The following ST8SIA5 variants were observed in gnomAD, a reference collection of about 807,000 sequenced individuals.
ST8SIA5 encodes the protein alpha-2,8-sialyltransferase 8E.
Under a neutral mutation model 40.2 loss-of-function variants are expected in ST8SIA5, and 24 were observed. The ratio of observed to expected loss-of-function variants is 0.60; its 90% CI spans 0.43 to 0.84. ST8SIA5 has a LOEUF of 0.84. ST8SIA5 is among the 40% of genes least tolerant of loss of function. The pLI, the probability that ST8SIA5 is intolerant of heterozygous loss-of-function variation, is 0.00. For missense variants in ST8SIA5, 465 were observed against 498.5 expected (o/e 0.93, Z 0.64); for synonymous variants, 198 against 201.8 (o/e 0.98, Z 0.16).
At chr18:46,755,893 C>T (rs563208119) in intron 1 of ST8SIA5, among the ~76,000 whole-genome samples, 137 of 152,318 alleles carry the variant, frequency 9.0e-4, no homozygotes, top group African/African-American at 3.2e-3. Flanking sequence ...CCCCACCGAA[C>T]CCGAAGCTCC....
At position 46,669,339 on chromosome 18, in the gene ST8SIA5, A is replaced by T. The variant is rs1176322457; in HGVS notation, c.*10703T>A. On this transcript the variant is annotated 3_prime_UTR_variant, in exon 7 of 7. Coordinates refer to ENST00000315087, the MANE Select transcript of ST8SIA5 (RefSeq NM_013305.6). ...CAAAAGGAGATGTCCATCACCCACC[A>T]TGGGTGCCCTGGGCACACCACGCTA... 6.6e-6 allele frequency: 1 copy of T among 152,170 alleles called. No individual in the cohort carries two copies. Among genetic ancestry groups the T allele is most frequent in the African/African-American group, 2.4e-5 (1 of 41,438 alleles). 9.4% of individuals were successfully genotyped at this position (152,170 alleles called of 1,614,324 possible).
rs1365939371 is a variant in ST8SIA5 at position 46,725,973 on chromosome 18, ATATATATATATATATATATATATAT to A, written c.132-21334_132-21310del. Among the ~76,000 whole-genome samples, 17 of 25,084 alleles carry A rather than the reference ATATATATATATATATATATATATAT, an allele frequency of 6.8e-4. 1 individual carries two copies. The highest frequency in any genetic ancestry group is 5.2e-3 in the South Asian group (3 of 580). 16.5% of individuals were successfully genotyped at this position (25,084 alleles called of 152,430 possible). On this transcript the variant is annotated intron_variant, in intron 1 of 6. Coordinates refer to ENST00000315087, the MANE Select transcript of ST8SIA5 (RefSeq NM_013305.6). ...CCATCTCTACTTAAAAAAAAAAAAA[ATATATATATATATATATATATATAT>A]ATATATATATATCCTGGATATATAT...
chr18:46,755,760 G>GA lies in ST8SIA5; in HGVS notation c.131+617dup, dbSNP rs150279449. On this transcript the variant is annotated intron_variant, in intron 1 of 6. Transcript: ENST00000315087. The stretch of plus-strand genomic sequence containing the variant: ...CTCTGACCTTTTGCGCTAAGGATGA[G>GA]AAAAAAAAAGCCATCTGTTTCAGAA... Among the ~76,000 whole-genome samples, 1,200 of 150,662 alleles carry GA rather than the reference G, an allele frequency of 8.0e-3. 46 individuals carry two copies. In the East Asian group the frequency reaches 0.088, roughly 11 times the overall value.
chr18:46,701,130 C>CTT (rs755571106), intron 2 of ST8SIA5, among the ~76,000 whole-genome samples: 697 of 45,810 alleles, frequency 0.015, 114 homozygotes, highest in Middle Eastern at 0.053. Context: ...GAGATAGGGC[C>CTT]TTTTTTTTTT....
At chr18:46,686,392 G>A in intron 4 of ST8SIA5, 106 bp from the exon 5 acceptor site, 1 of 871,490 alleles carries the variant, frequency 1.1e-6, no homozygotes, top group South Asian at 1.4e-5. Context: ...CTGGTCCCAA[G>A]AGGCAGCCTT....
chr18:46,733,780 G>A (rs2040007796), intron 1 of ST8SIA5, among the ~76,000 whole-genome samples: 1 of 152,194 alleles, frequency 6.6e-6, no homozygotes, highest in Non-Finnish European at 1.5e-5. Context: ...AGAGGTGAGG[G>A]GAGGATGAGC....
chr18:46,670,279 T>A lies in ST8SIA5; in HGVS notation c.*9763A>T, dbSNP rs577543814. 1 of 152,306 alleles carries A rather than the reference T, an allele frequency of 6.6e-6. No individual in the cohort carries two copies. Among genetic ancestry groups the A allele is most frequent in the African/African-American group, 2.4e-5 (1 of 41,568 alleles). 9.4% of individuals were successfully genotyped at this position (152,306 alleles called of 1,614,324 possible). On this transcript the variant is annotated 3_prime_UTR_variant, in exon 7 of 7. Coordinates refer to ENST00000315087, the MANE Select transcript of ST8SIA5 (RefSeq NM_013305.6). ...TTCTTAGACAGTGTATTGAACATTG[T>A]TGGAACGCTTTTTTACCTCTGCATG...
At position 46,679,626 on chromosome 18, in the gene ST8SIA5, C is replaced by T; in HGVS notation, c.*416G>A. 4 of 228,914 alleles carry T rather than the reference C, an allele frequency of 1.7e-5. No homozygotes were observed. Among genetic ancestry groups the T allele is most frequent in the Non-Finnish European group, 3.5e-5 (4 of 115,928 alleles). The allele number at this position is 228,914 out of a possible 1,614,324, so 14.2% of individuals were successfully genotyped here. A position where few individuals can be genotyped will look rare whatever the true frequency, so the allele number is the denominator to read the frequency against. On this transcript the variant is annotated 3_prime_UTR_variant, in exon 7 of 7. Coordinates refer to ENST00000315087, the MANE Select transcript of ST8SIA5 (RefSeq NM_013305.6). ...TGTGCTCAAGTGTCCTGTGAAGTGT[C>T]CTGTCTCCACTCTCAATTCCATTCT...
intron 1 of ST8SIA5, among the ~76,000 whole-genome samples, chr18:46,708,655 A>C (rs1001039204): frequency 1.3e-5 from 2 of 152,094 alleles, no homozygotes; most frequent in African/African-American, 4.8e-5. Context: ...CCCAGAACCC[A>C]CTGAAATTAC....
At position 46,748,223 on chromosome 18, in the gene ST8SIA5, CATAA is replaced by C. The variant is rs201765429; in HGVS notation, c.131+8151_131+8154del. 4.0e-3 allele frequency among the ~76,000 whole-genome samples: 559 copies of C among 141,230 alleles called. 5 individuals carry two copies. Among genetic ancestry groups the C allele is most frequent in the African/African-American group, 0.014 (531 of 37,932 alleles). 92.7% of individuals were successfully genotyped at this position (141,230 alleles called of 152,430 possible). A position where few individuals can be genotyped will look rare whatever the true frequency, so the allele number is the denominator to read the frequency against. ...TACCCTAGAACTCAAAAGTATAATT[CATAA>C]ATAAATAAATTAATTAATTTAAAAA... On this transcript the variant is annotated intron_variant, in intron 1 of 6. Transcript: ENST00000315087.
intron 1 of ST8SIA5, among the ~76,000 whole-genome samples, chr18:46,733,072 A>C (rs897626805): frequency 1.3e-5 from 2 of 152,188 alleles, no homozygotes; most frequent in African/African-American, 4.8e-5. Flanking sequence ...CAGGGCCAGC[A>C]CAGCCCAGGG....
intron 1 of ST8SIA5, among the ~76,000 whole-genome samples, chr18:46,741,188 G>A (rs1226024047): frequency 6.6e-6 from 1 of 151,990 alleles, no homozygotes; most frequent in Non-Finnish European, 1.5e-5. Context: ...GAATTAAAAA[G>A]GGGCAAACCG....
At chr18:46,730,243 G>T (rs1345212667) in intron 1 of ST8SIA5, 1 of 985,294 alleles carries the variant, frequency 1.0e-6, no homozygotes, top group Non-Finnish European at 1.2e-6. Flanking sequence ...TCTTGGATAG[G>T]GGGGCTCGCA....
chr18:46,743,144 G>T (rs2040103725), intron 1 of ST8SIA5, among the ~76,000 whole-genome samples: 1 of 152,166 alleles, frequency 6.6e-6, no homozygotes, highest in South Asian at 2.1e-4. Context: ...AAAAACCAGG[G>T]TGCCTCTTCC....
At chr18:46,684,529 G>A (rs535928806) in intron 5 of ST8SIA5, among the ~76,000 whole-genome samples, 11 of 152,124 alleles carry the variant, frequency 7.2e-5, no homozygotes, top group African/African-American at 1.4e-4. Flanking sequence ...AGGCAGAGTG[G>A]CTAGGTAACT....
rs2039338908 is a variant in ST8SIA5, at chr18:46,676,306, G to A, written c.*3736C>T. On this transcript the variant is annotated 3_prime_UTR_variant, in exon 7 of 7. Coordinates refer to ENST00000315087, the MANE Select transcript of ST8SIA5 (RefSeq NM_013305.6). ...TTGTGGGATTCGTCATTTAACGTCT[G>A]TATACACACACACCAGACCACAAAC... 6.6e-6 allele frequency: 1 copy of A among 152,152 alleles called. No homozygotes were observed. The highest frequency in any genetic ancestry group is 2.1e-4 in the South Asian group (1 of 4,826). 9.4% of individuals were successfully genotyped at this position (152,152 alleles called of 1,614,324 possible).
chr18:46,717,314 C>T (rs150793813), intron 1 of ST8SIA5, among the ~76,000 whole-genome samples: 70 of 152,196 alleles, frequency 4.6e-4, no homozygotes, highest in African/African-American at 1.6e-3. Flanking sequence ...CACAGGAGCA[C>T]GTCATCTGCC....
rs1368002344 is a variant in ST8SIA5, at chr18:46,676,051, G to C, written c.*3991C>G. 1 of 152,168 alleles carries C rather than the reference G, an allele frequency of 6.6e-6. No homozygotes were observed. Among genetic ancestry groups the C allele is most frequent in the Non-Finnish European group, 1.5e-5 (1 of 68,048 alleles). 9.4% of individuals were successfully genotyped at this position (152,168 alleles called of 1,614,324 possible). A position where few individuals can be genotyped will look rare whatever the true frequency, so the allele number is the denominator to read the frequency against. Reference sequence around the variant, plus strand: ...AGCCTGGGTGACAGAGGGAGACTCTGTCTCAAACAAACAAACAAAAAAGAC... The same window carrying C: ...AGCCTGGGTGACAGAGGGAGACTCTCTCTCAAACAAACAAACAAAAAAGAC... On this transcript the variant is annotated 3_prime_UTR_variant, in exon 7 of 7. Transcript: ENST00000315087.
At chr18:46,749,823 G>C (rs990314207) in intron 1 of ST8SIA5, among the ~76,000 whole-genome samples, 1 of 152,164 alleles carries the variant, frequency 6.6e-6, no homozygotes, top group Non-Finnish European at 1.5e-5. Flanking sequence ...ATGGTATTTA[G>C]AGGTGGAGGC....
Sources: gnomAD v4.1 joint callset for allele counts (sites outside exome capture counted in the v4.1 genomes callset) on GRCh38, gnomAD v4.1.1 for gene constraint, MANE v1.5 for transcripts, NCBI Gene and HGNC (gene_info 2026-07-23, HGNC 2026-07-21) for gene names.